GREB1: variants seen among roughly 807,000 people sequenced by gnomAD.
The protein encoded by GREB1 is growth regulating estrogen receptor binding 1.
GREB1 carries 106 observed loss-of-function variants against 200.7 expected under a neutral mutation model. The ratio of observed to expected loss-of-function variants is 0.53; its 90% CI spans 0.45 to 0.62. The LOEUF is 0.62. GREB1 is among the 20% of genes least tolerant of loss of function. The probability of loss-of-function intolerance (pLI) is 0.00; values close to 1 mark genes in which losing one functional copy is unlikely to be tolerated. For missense variants in GREB1, 2,243 were observed against 2,556.8 expected, an observed-to-expected ratio of 0.88 and a Z score of 2.65; for synonymous variants, 1,132 against 1,092.4, an observed-to-expected ratio of 1.04 and a Z score of -0.72.
intron 1 of GREB1, among the ~76,000 whole-genome samples, chr2:11,490,365 C>G (rs184878616): frequency 1.3e-5 from 2 of 152,160 alleles, no homozygotes; most frequent in Non-Finnish European, 2.9e-5. Context: ...AAGGTTTACC[C>G]GTGTTGTAGC....
intron 1 of GREB1, among the ~76,000 whole-genome samples, chr2:11,553,009 C>CAAAAAAAA (rs370234359): frequency 1.2e-5 from 1 of 80,916 alleles, no homozygotes; most frequent in African/African-American, 3.9e-5. Flanking sequence ...AACTCCGTCT[C>CAAAAAAAA]AAAAAAAAAA....
chr2:11,562,087 G>A (rs1677111429), intron 2 of GREB1, among the ~76,000 whole-genome samples: 1 of 152,148 alleles, frequency 6.6e-6, no homozygotes, highest in South Asian at 2.1e-4. Flanking sequence ...CAACCAATTC[G>A]ATACATATTA....
chr2:11,600,201 G>C (rs959303725), intron 15 of GREB1, among the ~76,000 whole-genome samples: 1 of 152,148 alleles, frequency 6.6e-6, no homozygotes, highest in Admixed American at 6.5e-5. Context: ...TTTGGGAATA[G>C]GTTTCTCAGA....
Position 11,620,890 on chromosome 2 carries a change from C to G in GREB1, c.4045-15C>G, listed in dbSNP as rs750444980. 21 of 1,545,628 alleles carry G rather than the reference C, an allele frequency of 1.4e-5. No homozygotes were observed. The Middle Eastern group carries it at 1.5e-3, about 112-fold the overall frequency. Reference sequence around the variant, plus strand: ...GGCTTCCTCACTGGGGGTTTTAACTCCTATACCTTTACAGATCGGGAAGAC... The same window carrying G: ...GGCTTCCTCACTGGGGGTTTTAACTGCTATACCTTTACAGATCGGGAAGAC... On this transcript the variant is annotated splice_polypyrimidine_tract_variant and intron_variant, in intron 22 of 32. Transcript: ENST00000381486.
In GREB1 at chr2:11,616,619, G is replaced by A. The variant is rs767561267; in HGVS notation, c.3323-12G>A. The A allele has an allele frequency of 1.3e-6, 2 of 1,565,852 alleles. No individual in the cohort carries two copies. The highest frequency in any genetic ancestry group is 2.2e-5 in the South Asian group (2 of 90,132). ...ATTTCGGTGCATTCTCAGCGTGTGTGTTTTGGAACAGGCTCTACCTCGGAG... is the reference window on the plus strand; with the variant it reads ...ATTTCGGTGCATTCTCAGCGTGTGTATTTTGGAACAGGCTCTACCTCGGAG... On this transcript the variant is annotated splice_polypyrimidine_tract_variant and intron_variant, in intron 20 of 32. Transcript: ENST00000381486.
intron 1 of GREB1, among the ~76,000 whole-genome samples, chr2:11,539,447 G>A (rs1353611505): frequency 6.6e-6 from 1 of 152,126 alleles, no homozygotes; most frequent in African/African-American, 2.4e-5. Flanking sequence ...TTGTTTGAAG[G>A]GGCACGTGCT....
intron 23 of GREB1, among the ~76,000 whole-genome samples, chr2:11,621,453 G>T (rs1327645898): frequency 6.6e-6 from 1 of 152,202 alleles, no homozygotes; most frequent in Non-Finnish European, 1.5e-5. Context: ...TGAGCAGGGA[G>T]GTCAGTGTCT....
chr2:11,515,057 C>T (rs1236986933), intron 1 of GREB1, among the ~76,000 whole-genome samples: 1 of 150,938 alleles, frequency 6.6e-6, no homozygotes, highest in Admixed American at 6.6e-5. Context: ...CATCCATCCA[C>T]ACATGTATCC....
At chr2:11,555,426 A>G (rs918614286) in intron 1 of GREB1, among the ~76,000 whole-genome samples, 4 of 152,242 alleles carry the variant, frequency 2.6e-5, no homozygotes, top group African/African-American at 9.6e-5. Flanking sequence ...ATGTCAAGGA[A>G]AAACAAAAAC....
rs762189160 is a variant in GREB1 at position 11,588,787 on chromosome 2, G to A, written c.1201G>A (p.Val401Ile). The stretch of plus-strand genomic sequence containing the variant: ...TTACCTCTGTGGGAACCTGAATGAC[G>A]TCGTGGTCAGCCCCCTCTTGTACAC... Reference protein sequence around the residue: ...FPYLCGNLNDVVVSPLLYTCY... With the variant: ...FPYLCGNLNDIVVSPLLYTCY... The change falls in exon 10 of 33, where the codon GTC becomes ATC. Residue 401 changes from valine to isoleucine, a missense_variant. This residue lies in a region of GREB1 where 1,178 missense variants were observed against 1,387.4 expected (regional missense o/e 0.85). Coordinates refer to ENST00000381486, the MANE Select transcript of GREB1 (RefSeq NM_014668.4). 5.6e-6 allele frequency: 9 copies of A among 1,614,154 alleles called. No individual in the cohort carries two copies. Among genetic ancestry groups the A allele is most frequent in the South Asian group, 3.3e-5 (3 of 91,074 alleles).
Position 11,640,423 on chromosome 2 carries a change from C to G in GREB1, c.5819C>G (p.Pro1940Arg). Residue 1940 changes from proline to arginine, a missense_variant, in exon 33 of 33, where the codon CCG (proline) becomes CGG (arginine). Transcript: ENST00000381486. The surrounding 1 kb of genome is among the most constrained non-coding windows in gnomAD (Gnocchi z 4.6). The stretch of plus-strand genomic sequence containing the variant: ...ACCGCCAATGCCAGGGAAGACCGGC[C>G]GCTCTTTTTTCTGACGGGACGACAC... ...FQTANAREDR[P>R]LFFLTGRHI The G allele has an allele frequency of 6.2e-7, 1 of 1,614,180 alleles. No individual in the cohort carries two copies. The highest frequency in any genetic ancestry group is 8.5e-7 in the Non-Finnish European group (1 of 1,180,044).
chr2:11,556,559 GC>G lies in GREB1; in HGVS notation c.-55del. The G allele has an allele frequency of 6.9e-7, 1 of 1,456,062 alleles. No homozygotes were observed. Among genetic ancestry groups the G allele is most frequent in the Middle Eastern group, 1.8e-4 (1 of 5,532 alleles). 90.2% of individuals were successfully genotyped at this position (1,456,062 alleles called of 1,614,324 possible). A position where few individuals can be genotyped will look rare whatever the true frequency, so the allele number is the denominator to read the frequency against. ...CACCTTCTACCTTGCGTGGAGCCAG[GC>G]TTTTGCACCGAATCTGAGATGCCAT... On this transcript the variant is annotated 5_prime_UTR_variant, in exon 2 of 33. It removes the in-frame stop codon of an upstream open reading frame in the 5' UTR. Transcript: ENST00000381486.
At chr2:11,538,855 TCCTCCCTCCGTCCCTCCCTTTTTC>T (rs1674482393) in intron 1 of GREB1, among the ~76,000 whole-genome samples, 1 of 125,712 alleles carries the variant, frequency 8.0e-6, no homozygotes, top group Non-Finnish European at 1.7e-5. Flanking sequence ...CTTCCTTCCT[TCCTCCCTCCGTCCCTCCCTTTTTC>T]CCTCCCTCTC....
intron 1 of GREB1, among the ~76,000 whole-genome samples, chr2:11,536,311 A>C (rs750972361): frequency 7.9e-5 from 12 of 152,244 alleles, no homozygotes; most frequent in Non-Finnish European, 1.6e-4. Flanking sequence ...AGGCAGTGCC[A>C]GCAGCACCAA....
At chr2:11,496,357 C>G (rs184399518) in intron 1 of GREB1, among the ~76,000 whole-genome samples, 1 of 152,162 alleles carries the variant, frequency 6.6e-6, no homozygotes, top group South Asian at 2.1e-4. Flanking sequence ...TTATATTTGT[C>G]TCAGGTCATT....
At chr2:11,620,319 A>G (rs1402026181) in intron 22 of GREB1, among the ~76,000 whole-genome samples, 2 of 152,190 alleles carry the variant, frequency 1.3e-5, no homozygotes, top group East Asian at 3.8e-4. Flanking sequence ...GTACTGGGCC[A>G]GACCATGGGT....
chr2:11,612,326 G>T, intron 18 of GREB1, 169 bp from the exon 19 acceptor site: 2 of 1,361,914 alleles, frequency 1.5e-6, no homozygotes, highest in Non-Finnish European at 1.9e-6. Context: ...TGAAAATACG[G>T]TGGCCAAGTG....
At chr2:11,522,355 C>T (rs560977059) in intron 1 of GREB1, among the ~76,000 whole-genome samples, 2 of 152,288 alleles carry the variant, frequency 1.3e-5, no homozygotes, top group South Asian at 2.1e-4. Context: ...CAAAAAATTG[C>T]AACCTCCAGC....
At chr2:11,510,748 G>A (rs1383709773) in intron 1 of GREB1, among the ~76,000 whole-genome samples, 5 of 149,902 alleles carry the variant, frequency 3.3e-5, no homozygotes, top group Admixed American at 6.6e-5. Flanking sequence ...GGAATGCAGT[G>A]GTGCTACTGT....
Sources: allele counts gnomAD v4.1 joint callset (sites outside exome capture counted in the v4.1 genomes callset), GRCh38; gene constraint gnomAD v4.1.1; regional missense constraint gnomAD v4.1.1; non-coding constraint Gnocchi (gnomAD v3.1); transcripts MANE v1.5; gene names NCBI Gene and HGNC (gene_info 2026-07-23, HGNC 2026-07-21).